The following ADAM9 variants were observed in gnomAD, a reference collection of about 807,000 sequenced individuals.
The protein encoded by ADAM9 is disintegrin and metalloproteinase domain-containing protein 9.
In ADAM9, 54 loss-of-function variants were observed where a neutral mutation model predicts 108.1. The ratio of observed to expected loss-of-function variants is 0.50; its 90% CI spans 0.40 to 0.63. The LOEUF (loss-of-function observed/expected upper bound fraction) is 0.63, where lower values mean the gene tolerates loss of function less well. Ranked by LOEUF, ADAM9 falls within the 20% of genes least tolerant of loss-of-function variation. The pLI is 0.00. For missense variants in ADAM9, 830 were observed against 997.7 expected, an observed-to-expected ratio of 0.83 and a Z score of 2.26; for synonymous variants, 316 against 336.0, an observed-to-expected ratio of 0.94 and a Z score of 0.65.
intron 3 of ADAM9, among the ~76,000 whole-genome samples, chr8:39,013,669 A>AT (rs1364759364): frequency 6.6e-6 from 1 of 151,774 alleles, no homozygotes; most frequent in African/African-American, 2.4e-5. Flanking sequence ...TGCCCAGCTA[A>AT]TTTTTTATTT....
At chr8:39,074,174 A>G (rs1022433451) in intron 15 of ADAM9, among the ~76,000 whole-genome samples, 1 of 152,156 alleles carries the variant, frequency 6.6e-6, no homozygotes, top group African/African-American at 2.4e-5. Context: ...ACTACCAAAA[A>G]CATCTAGAAA....
chr8:38,997,013 G>A lies in ADAM9; in HGVS notation c.-51G>A, dbSNP rs553966090. 3 of 1,587,864 alleles carry A rather than the reference G, an allele frequency of 1.9e-6. No individual in the cohort carries two copies. The Admixed American group carries it at 5.2e-5, about 27-fold the overall frequency. The stretch of plus-strand genomic sequence containing the variant: ...GCAGGGTTGGAAAATGATGGAAGAG[G>A]CGGAGGTGGAGGCGACCGAGTGCTG... On this transcript the variant is annotated 5_prime_UTR_variant, in exon 1 of 22. Transcript: ENST00000487273.
At chr8:39,018,825 G>T (rs1238394622) in intron 6 of ADAM9, 28 bp from the exon 7 acceptor site, 1 of 1,608,498 alleles carries the variant, frequency 6.2e-7, no homozygotes, top group South Asian at 1.1e-5. Flanking sequence ...ACTTCCTTTT[G>T]CCTTTATGAT....
At chr8:38,997,250 G>T (rs565240238) in intron 1 of ADAM9, 90 bp downstream of exon 1, 2 of 1,426,844 alleles carry the variant, frequency 1.4e-6, no homozygotes, top group East Asian at 2.5e-5. Context: ...GAGTGGAGGG[G>T]CCCGGCCTGG....
chr8:39,096,629 G>A (rs1839516088), intron 20 of ADAM9, among the ~76,000 whole-genome samples: 1 of 152,072 alleles, frequency 6.6e-6, no homozygotes, highest in Admixed American at 6.6e-5. Flanking sequence ...TTATTATCGA[G>A]TTTTATATTT....
At chr8:39,081,731 C>T (rs1230770955) in intron 16 of ADAM9, among the ~76,000 whole-genome samples, 6 of 152,088 alleles carry the variant, frequency 3.9e-5, no homozygotes, top group Non-Finnish European at 8.8e-5. Flanking sequence ...GTAAGGCTAT[C>T]GATATTTCGT....
rs113084029 is a variant in ADAM9, at chr8:38,997,450, C to T, written c.97+290C>T. ...CATCCCTCGCCGCCTCGCGCGACCCCGGGTCCCCCAGACGCCCCGAAACCC... is the reference window on the plus strand; with the variant it reads ...CATCCCTCGCCGCCTCGCGCGACCCTGGGTCCCCCAGACGCCCCGAAACCC... On this transcript the variant is annotated intron_variant, in intron 1 of 21. Coordinates refer to ENST00000487273, the MANE Select transcript of ADAM9 (RefSeq NM_003816.3). Among the ~76,000 whole-genome samples, 1,124 of 152,262 alleles carry T rather than the reference C, an allele frequency of 7.4e-3. 18 individuals carry two copies. The highest frequency in any genetic ancestry group is 0.026 in the African/African-American group (1,066 of 41,554).
At chr8:39,020,388 T>C (rs1186432659) in intron 7 of ADAM9, among the ~76,000 whole-genome samples, 1 of 152,120 alleles carries the variant, frequency 6.6e-6, no homozygotes, top group Admixed American at 6.6e-5. Context: ...TATATTAAAT[T>C]AATTTTTTTT....
At chr8:39,089,288 A>G (rs1839276253) in intron 18 of ADAM9, among the ~76,000 whole-genome samples, 1 of 152,184 alleles carries the variant, frequency 6.6e-6, no homozygotes, top group African/African-American at 2.4e-5. Flanking sequence ...CATAGTATAA[A>G]AAAATGTAAA....
intron 14 of ADAM9, among the ~76,000 whole-genome samples, chr8:39,059,683 G>A (rs766297496): frequency 4.6e-5 from 7 of 152,314 alleles, no homozygotes; most frequent in East Asian, 3.9e-4. Flanking sequence ...GTATAATCAC[G>A]TCTGGCTGTT....
chr8:39,013,480 C>A (rs1052913513), intron 3 of ADAM9, among the ~76,000 whole-genome samples: 4 of 148,046 alleles, frequency 2.7e-5, no homozygotes, highest in Admixed American at 6.7e-5. Flanking sequence ...CAGAGTTGTC[C>A]GTTTATGAGC....
chr8:39,104,692 A>G lies in ADAM9; in HGVS notation c.*992A>G. On this transcript the variant is annotated 3_prime_UTR_variant, in exon 22 of 22. Coordinates refer to ENST00000487273, the MANE Select transcript of ADAM9 (RefSeq NM_003816.3). The stretch of plus-strand genomic sequence containing the variant: ...TGCTGGGTCATGTAAAATATTAGAC[A>G]CTAATATTTTCATAGAAATTAGGCT... 2.2e-6 allele frequency: 1 copy of G among 453,864 alleles called. No individual in the cohort carries two copies. The highest frequency in any genetic ancestry group is 1.6e-5 in the South Asian group (1 of 64,436). The allele number at this position is 453,864 out of a possible 1,614,324, so 28.1% of individuals were successfully genotyped here.
chr8:39,062,535 G>C (rs376630693), intron 14 of ADAM9, among the ~76,000 whole-genome samples: 52 of 152,320 alleles, frequency 3.4e-4, no homozygotes, highest in African/African-American at 1.2e-3. Context: ...ACATGGGTCA[G>C]GTTATTCTGA....
At chr8:39,038,641 A>T (rs1382677648) in intron 11 of ADAM9, among the ~76,000 whole-genome samples, 1 of 152,202 alleles carries the variant, frequency 6.6e-6, no homozygotes, top group Non-Finnish European at 1.5e-5. Flanking sequence ...TGCTATGTTC[A>T]CAGTTTCATC....
chr8:39,062,852 C>A (rs1838340346), intron 14 of ADAM9, among the ~76,000 whole-genome samples: 1 of 152,136 alleles, frequency 6.6e-6, no homozygotes, highest in Non-Finnish European at 1.5e-5. Context: ...TGGGTAAATA[C>A]ATCTTAAGTG....
At chr8:39,076,614 A>C (rs1042250313) in intron 15 of ADAM9, among the ~76,000 whole-genome samples, 2 of 152,166 alleles carry the variant, frequency 1.3e-5, no homozygotes, top group Admixed American at 1.3e-4. Flanking sequence ...TATTGTTGGA[A>C]ATACCTAGAG....
chr8:39,001,441 C>T (rs978751333), intron 1 of ADAM9, among the ~76,000 whole-genome samples: 3 of 152,082 alleles, frequency 2.0e-5, no homozygotes, highest in Admixed American at 6.5e-5. Context: ...AATAAGATAC[C>T]GTCCTTGATC....
chr8:39,054,476 C>T lies in ADAM9; in HGVS notation c.1303-5C>T, dbSNP rs1325577773. ...TCTTTATTGACAGTCATTTTATGTT[C>T]ACAGGAATGTGAATTGGACCCTTGC... On this transcript the variant is annotated splice_region_variant and splice_polypyrimidine_tract_variant and intron_variant, in intron 12 of 21. Coordinates refer to ENST00000487273, the MANE Select transcript of ADAM9 (RefSeq NM_003816.3). 4 of 1,610,904 alleles carry T rather than the reference C, an allele frequency of 2.5e-6. No individual in the cohort carries two copies. Among genetic ancestry groups the T allele is most frequent in the Non-Finnish European group, 3.4e-6 (4 of 1,178,018 alleles).
intron 20 of ADAM9, among the ~76,000 whole-genome samples, chr8:39,100,046 A>AT (rs969259273): frequency 7.9e-5 from 12 of 151,138 alleles, no homozygotes; most frequent in African/African-American, 2.9e-4. Context: ...TGCCCGGGTG[A>AT]TTTTTTTGTA....
Sources: allele counts gnomAD v4.1 joint callset (sites outside exome capture counted in the v4.1 genomes callset), GRCh38; gene constraint gnomAD v4.1.1; transcripts MANE v1.5; gene names NCBI Gene and HGNC (gene_info 2026-07-23, HGNC 2026-07-21).